SBSPON: variants seen among roughly 807,000 people sequenced by gnomAD.
SBSPON encodes somatomedin B and thrombospondin type 1 domain containing.
Under a neutral mutation model 35.8 loss-of-function variants are expected in SBSPON, and 30 were observed. The ratio of observed to expected loss-of-function variants is 0.84; its 90% CI spans 0.63 to 1.14. SBSPON has a LOEUF of 1.14. Ranked by LOEUF, SBSPON falls within the 50% of genes most tolerant of loss-of-function variation. The probability of loss-of-function intolerance (pLI) is 0.00; values close to 1 mark genes in which losing one functional copy is unlikely to be tolerated. For missense variants in SBSPON, 364 were observed against 357.7 expected, an observed-to-expected ratio of 1.02 and a Z score of -0.14; for synonymous variants, 136 against 135.9, an observed-to-expected ratio of 1.00 and a Z score of 0.00.
At position 73,081,084 on chromosome 8, in the gene SBSPON, AG is replaced by A; in HGVS notation, c.343del (p.Leu115TrpfsTer27). 2.5e-6 allele frequency: 4 copies of A among 1,612,372 alleles called. No homozygotes were observed. The highest frequency in any genetic ancestry group is 3.4e-6 in the Non-Finnish European group (4 of 1,179,284). ...PQNGGAPCPP[L>X]EERAGCLEYS... is the part of the protein sequence containing the mutation. ...CTCCAGGCAGCCAGCTCTCTCTTCC[AG>A]GGGTGGGCAGGGCGCCCCGCCGTTC... is the stretch of plus-strand genomic sequence containing the variant. On this transcript the variant is annotated frameshift_variant, in exon 2 of 5. Transcript: ENST00000297354. LOFTEE classifies it high-confidence loss of function.
intron 2 of SBSPON, among the ~76,000 whole-genome samples, chr8:73,077,873 T>C (rs889210579): frequency 1.3e-5 from 2 of 152,210 alleles, no homozygotes; most frequent in African/African-American, 2.4e-5. Context: ...CTCTCTCTTA[T>C]GGAATGAAAA....
In SBSPON at chr8:73,093,031, G is replaced by C; in HGVS notation, c.37C>G (p.Arg13Gly). 1.4e-6 allele frequency: 2 copies of C among 1,388,020 alleles called. No homozygotes were observed. The highest frequency in any genetic ancestry group is 1.9e-6 in the Non-Finnish European group (2 of 1,077,256). 86.0% of individuals were successfully genotyped at this position (1,388,020 alleles called of 1,614,324 possible). Reference sequence around the variant, plus strand: ...CCGGCCTGGGCCCCGGGCCACAGCCGCGACAGCGCGCACAGCGCCATCCAC... The same window carrying C: ...CCGGCCTGGGCCCCGGGCCACAGCCCCGACAGCGCGCACAGCGCCATCCAC... ...TLWMALCALSRLWPGAQAGCA... is the reference protein window; with the variant it reads ...TLWMALCALSGLWPGAQAGCA... The change falls in exon 1 of 5, where the codon CGG becomes GGG. Residue 13 changes from arginine (R) to glycine (G), a missense_variant. Physicochemically the swap from Arg to Gly is moderately radical, Grantham distance 125. Transcript: ENST00000297354.
chr8:73,071,966 C>T lies in SBSPON; in HGVS notation c.410-96G>A, dbSNP rs1810501764. ...TTGTACCTGTCTAAGGGTCTCCATTCCTAAACTCACAGGGCTACGGCACAC... is the reference window on the plus strand; with the variant it reads ...TTGTACCTGTCTAAGGGTCTCCATTTCTAAACTCACAGGGCTACGGCACAC... On this transcript the variant is annotated intron_variant, in intron 2 of 4. Coordinates refer to ENST00000297354, the MANE Select transcript of SBSPON (RefSeq NM_153225.4). The T allele has an allele frequency of 5.4e-6, 4 of 736,112 alleles. No individual in the cohort carries two copies. In the Admixed American group the frequency reaches 8.1e-5, roughly 15 times the overall value. The allele number at this position is 736,112 out of a possible 1,614,324, so 45.6% of individuals were successfully genotyped here. A position where few individuals can be genotyped will look rare whatever the true frequency, so the allele number is the denominator to read the frequency against.
At chr8:73,083,126 T>C (rs946399910) in intron 1 of SBSPON, among the ~76,000 whole-genome samples, 4 of 152,226 alleles carry the variant, frequency 2.6e-5, no homozygotes, top group African/African-American at 9.6e-5. Flanking sequence ...AGTATTTGTT[T>C]CTTGTATTCG....
At chr8:73,088,133 G>A (rs538035991) in intron 1 of SBSPON, among the ~76,000 whole-genome samples, 6 of 152,322 alleles carry the variant, frequency 3.9e-5, no homozygotes, top group African/African-American at 1.4e-4. Flanking sequence ...TGACAGTTTA[G>A]TAATTGTATA....
intron 3 of SBSPON, 46 bp from the exon 4 acceptor site, chr8:73,070,027 G>C: frequency 7.8e-7 from 1 of 1,275,278 alleles, no homozygotes. Context: ...ATGAGCAGTG[G>C]CCTAAAGCTG....
chr8:73,079,915 GA>G (rs926893652), intron 2 of SBSPON, among the ~76,000 whole-genome samples: 40 of 151,978 alleles, frequency 2.6e-4, no homozygotes, highest in Non-Finnish European at 1.3e-4. Context: ...ATTTGTGTGT[GA>G]AAAAAAAGAA....
intron 3 of SBSPON, among the ~76,000 whole-genome samples, chr8:73,070,534 TG>T (rs1447427761): frequency 6.6e-6 from 1 of 152,170 alleles, no homozygotes; most frequent in Non-Finnish European, 1.5e-5. Context: ...AGTTTTGACT[TG>T]AAGTCAATTA....
chr8:73,074,769 A>G (rs1238996432), intron 2 of SBSPON, among the ~76,000 whole-genome samples: 2 of 152,162 alleles, frequency 1.3e-5, no homozygotes, highest in African/African-American at 2.4e-5. Flanking sequence ...TCCATGAGAG[A>G]GGTAAGGAGG....
intron 2 of SBSPON, among the ~76,000 whole-genome samples, chr8:73,073,083 G>T (rs1810528610): frequency 6.6e-6 from 1 of 152,208 alleles, no homozygotes; most frequent in African/African-American, 2.4e-5. Context: ...CTTGAGGAAG[G>T]CAGGGTTTTG....
chr8:73,090,253 C>A (rs942400203), intron 1 of SBSPON, among the ~76,000 whole-genome samples: 2 of 152,168 alleles, frequency 1.3e-5, no homozygotes, highest in Admixed American at 1.3e-4. Flanking sequence ...CCAAACAGCA[C>A]CAGGGTAAAG....
intron 1 of SBSPON, among the ~76,000 whole-genome samples, chr8:73,092,101 G>A (rs1487110017): frequency 6.6e-6 from 1 of 152,144 alleles, no homozygotes; most frequent in Admixed American, 6.5e-5. Context: ...CTTTTATTGA[G>A]CCCTTACGGG....
At chr8:73,088,452 G>C (rs897212252) in intron 1 of SBSPON, among the ~76,000 whole-genome samples, 7 of 152,204 alleles carry the variant, frequency 4.6e-5, no homozygotes, top group African/African-American at 1.7e-4. Context: ...GGAGGCCAAG[G>C]CAGGCAGATT....
chr8:73,073,887 CT>C (rs1336954369), intron 2 of SBSPON, among the ~76,000 whole-genome samples: 1 of 151,142 alleles, frequency 6.6e-6, no homozygotes, highest in Non-Finnish European at 1.5e-5. Context: ...CTGTGTGGCT[CT>C]TTTTTGCTGC....
At chr8:73,068,762 T>C (rs144635094) in intron 4 of SBSPON, among the ~76,000 whole-genome samples, 2 of 152,164 alleles carry the variant, frequency 1.3e-5, no homozygotes, top group Non-Finnish European at 2.9e-5. Flanking sequence ...GGGTATGAAT[T>C]ACCTGGGCAG....
intron 1 of SBSPON, among the ~76,000 whole-genome samples, chr8:73,082,234 T>A (rs1167038038): frequency 6.6e-6 from 1 of 152,244 alleles, no homozygotes; most frequent in East Asian, 1.9e-4. Flanking sequence ...AATCAACTTT[T>A]AAATTGAATT....
In SBSPON at chr8:73,066,096, T is replaced by A. The variant is rs2129977532; in HGVS notation, c.*1245A>T. ...ACCAAGAAATACGTATTTTAGTAAA[T>A]CATTTGTTAGTGAATATTATTCAAT... is the stretch of plus-strand genomic sequence containing the variant. On this transcript the variant is annotated 3_prime_UTR_variant, in exon 5 of 5. Coordinates refer to ENST00000297354, the MANE Select transcript of SBSPON (RefSeq NM_153225.4). 1 of 152,344 alleles carries A rather than the reference T, an allele frequency of 6.6e-6. No individual in the cohort carries two copies. Among genetic ancestry groups the A allele is most frequent in the Admixed American group, 6.5e-5 (1 of 15,304 alleles). The allele number at this position is 152,344 out of a possible 1,614,324, so 9.4% of individuals were successfully genotyped here. A position where few individuals can be genotyped will look rare whatever the true frequency, so the allele number is the denominator to read the frequency against.
At chr8:73,067,548 A>T (rs1005184690) in intron 4 of SBSPON, 90 bp from the exon 5 acceptor site, 11 of 707,348 alleles carry the variant, frequency 1.6e-5, no homozygotes, top group Non-Finnish European at 2.7e-5. Flanking sequence ...GTTAAAAAAA[A>T]CTGATCACAG....
chr8:73,079,416 A>C (rs528229494), intron 2 of SBSPON, among the ~76,000 whole-genome samples: 68 of 152,220 alleles, frequency 4.5e-4, no homozygotes, highest in African/African-American at 1.5e-3. Context: ...GTCCAAGCAC[A>C]GCCCAGTAAA....
Sources: allele counts gnomAD v4.1 joint callset (sites outside exome capture counted in the v4.1 genomes callset), GRCh38; gene constraint gnomAD v4.1.1; transcripts MANE v1.5; gene names NCBI Gene and HGNC (gene_info 2026-07-23, HGNC 2026-07-21).